PTPRT: variants seen among roughly 807,000 people sequenced by gnomAD.
PTPRT encodes protein tyrosine phosphatase receptor type T, also known as receptor-type tyrosine-protein phosphatase T.
In PTPRT, 56 loss-of-function variants were observed where a neutral mutation model predicts 176.8. The ratio of observed to expected loss-of-function variants is 0.32; its 90% CI spans 0.26 to 0.40. PTPRT has a LOEUF of 0.40. Ranked by LOEUF, PTPRT falls within the 10% of genes least tolerant of loss-of-function variation. PTPRT has a pLI of 1.00. For missense variants in PTPRT, 1,540 were observed against 1,908.2 expected, an observed-to-expected ratio of 0.81 and a Z score of 3.60; for synonymous variants, 783 against 739.0, an observed-to-expected ratio of 1.06 and a Z score of -0.96.
In PTPRT at chr20:43,135,971, A is replaced by T. The variant is rs113445985; in HGVS notation, c.88+53675T>A. Among the ~76,000 whole-genome samples, 946 of 152,334 alleles carry T rather than the reference A, an allele frequency of 6.2e-3. 13 individuals carry two copies. Among genetic ancestry groups the T allele is most frequent in the African/African-American group, 0.021 (893 of 41,572 alleles). Reference sequence around the variant, plus strand: ...GGCAAATGTTTAAACTAAAATTTTTAAAATAATCACTTGGTGCTTAAATCC... The same window carrying T: ...GGCAAATGTTTAAACTAAAATTTTTTAAATAATCACTTGGTGCTTAAATCC... On this transcript the variant is annotated intron_variant, in intron 1 of 30. Transcript: ENST00000373187.
chr20:42,841,621 AC>A (rs2078279418), intron 2 of PTPRT, among the ~76,000 whole-genome samples: 1 of 67,232 alleles, frequency 1.5e-5, no homozygotes, highest in Non-Finnish European at 3.4e-5. Context: ...ACACACACAC[AC>A]ACACACACAC....
At chr20:42,945,608 GC>G (rs1980837857) in intron 1 of PTPRT, among the ~76,000 whole-genome samples, 1 of 152,286 alleles carries the variant, frequency 6.6e-6, no homozygotes, top group East Asian at 1.9e-4. Context: ...CTGAGGAAGG[GC>G]CCCTCCTCCC....
intron 14 of PTPRT, among the ~76,000 whole-genome samples, chr20:42,237,277 C>T (rs776770442): frequency 2.7e-4 from 41 of 152,120 alleles, no homozygotes; most frequent in Admixed American, 2.2e-3. Flanking sequence ...AGATGACCGG[C>T]GCAAAGTCCA....
At chr20:42,359,015 C>T (rs1484172110) in intron 9 of PTPRT, among the ~76,000 whole-genome samples, 1 of 152,118 alleles carries the variant, frequency 6.6e-6, no homozygotes, top group Admixed American at 6.5e-5. Context: ...AGGATCATAC[C>T]ACAGTGCTAC....
intron 7 of PTPRT, among the ~76,000 whole-genome samples, chr20:42,583,575 T>C (rs2073416519): frequency 6.6e-6 from 1 of 152,022 alleles, no homozygotes; most frequent in African/African-American, 2.4e-5. Flanking sequence ...AAAAACTATG[T>C]TCATGGGTAC....
intron 1 of PTPRT, chr20:42,969,655 T>C (rs1472514188): frequency 6.6e-6 from 1 of 152,154 alleles, no homozygotes; most frequent in African/African-American, 2.4e-5. Context: ...AACCAAAACA[T>C]TTTTTCGTAA....
intron 1 of PTPRT, among the ~76,000 whole-genome samples, chr20:43,005,123 C>T (rs1204081455): frequency 6.6e-6 from 1 of 151,994 alleles, no homozygotes; most frequent in East Asian, 1.9e-4. Flanking sequence ...CTTTGCATCT[C>T]ACCAGCACCC....
intron 2 of PTPRT, among the ~76,000 whole-genome samples, chr20:42,864,518 CTG>C (rs1193173239): frequency 2.6e-5 from 4 of 152,176 alleles, no homozygotes; most frequent in Non-Finnish European, 5.9e-5. Context: ...ACATTTTGTT[CTG>C]TGTGTTCTCA....
chr20:43,156,723 G>T (rs2014532974), intron 1 of PTPRT, among the ~76,000 whole-genome samples: 1 of 152,162 alleles, frequency 6.6e-6, no homozygotes. Context: ...CAGCAAGAGT[G>T]CCAGGATCTC....
At chr20:42,607,750 T>G (rs1156343243) in intron 7 of PTPRT, among the ~76,000 whole-genome samples, 1 of 152,130 alleles carries the variant, frequency 6.6e-6, no homozygotes, top group African/African-American at 2.4e-5. Flanking sequence ...TGCATGGGGC[T>G]GGGAGTGCAC....
Position 42,590,778 on chromosome 20 carries a change from G to A in PTPRT, c.1153+87088C>T, listed in dbSNP as rs150267106. ...AATAGATAGAAAAAACTATGAGAAA[G>A]CCTGCTCACTTAAAAACATATTATA... is the stretch of plus-strand genomic sequence containing the variant. On this transcript the variant is annotated intron_variant, in intron 7 of 30. Transcript: ENST00000373187. Among the ~76,000 whole-genome samples, 6 of 152,178 alleles carry A rather than the reference G, an allele frequency of 3.9e-5. No homozygotes were observed. The East Asian group carries it at 9.6e-4, about 24-fold the overall frequency.
At chr20:42,419,721 A>G (rs2059099631) in intron 9 of PTPRT, among the ~76,000 whole-genome samples, 1 of 152,082 alleles carries the variant, frequency 6.6e-6, no homozygotes, top group African/African-American at 2.4e-5. Context: ...TCCTGACAGT[A>G]GAGGATCACC....
chr20:42,466,304 T>C (rs1462967794), intron 8 of PTPRT, among the ~76,000 whole-genome samples: 1 of 152,192 alleles, frequency 6.6e-6, no homozygotes, highest in Non-Finnish European at 1.5e-5. Flanking sequence ...TTTTGAAACA[T>C]GCAACTGTTT....
chr20:42,134,322 G>T (rs1198620377), intron 18 of PTPRT, among the ~76,000 whole-genome samples: 1 of 152,082 alleles, frequency 6.6e-6, no homozygotes, highest in East Asian at 1.9e-4. Context: ...CAGCTAATTT[G>T]GTACTCCTTG....
At chr20:43,108,646 T>C (rs1456827433) in intron 1 of PTPRT, among the ~76,000 whole-genome samples, 1 of 152,040 alleles carries the variant, frequency 6.6e-6, no homozygotes, top group African/African-American at 2.4e-5. Flanking sequence ...TATTTTCTTA[T>C]AAGGACCTCT....
chr20:42,283,251 C>T (rs901653952), intron 12 of PTPRT, among the ~76,000 whole-genome samples: 1 of 152,094 alleles, frequency 6.6e-6, no homozygotes, highest in African/African-American at 2.4e-5. Context: ...GGATTCATCT[C>T]CCAGGAGGTC....
intron 6 of PTPRT, among the ~76,000 whole-genome samples, chr20:42,725,442 G>A (rs1214404852): frequency 2.0e-5 from 3 of 151,934 alleles, no homozygotes; most frequent in African/African-American, 7.2e-5. Context: ...ATATGAGGTA[G>A]ACAAACACTT....
At chr20:42,820,652 A>G (rs1432516862) in intron 2 of PTPRT, among the ~76,000 whole-genome samples, 1 of 151,968 alleles carries the variant, frequency 6.6e-6, no homozygotes, top group Non-Finnish European at 1.5e-5. Context: ...AAAAATTAAC[A>G]AAATATATCA....
At chr20:42,052,985 T>C in the PTPRT span, among the ~76,000 whole-genome samples, 1 of 152,230 alleles carries the variant, frequency 6.6e-6, no homozygotes, top group African/African-American at 2.4e-5. Context: ...AGGGTCTCTG[T>C]TGCAATGCGT....
Sources: gnomAD v4.1 joint callset for allele counts (sites outside exome capture counted in the v4.1 genomes callset) on GRCh38, gnomAD v4.1.1 for gene constraint, MANE v1.5 for transcripts, NCBI Gene and HGNC (gene_info 2026-07-23, HGNC 2026-07-21) for gene names.